GRM3: variants seen among roughly 807,000 people sequenced by gnomAD.
The protein encoded by GRM3 is glutamate metabotropic receptor 3.
A neutral mutation model predicts 70.5 loss-of-function variants in GRM3; 26 were observed. That is an observed-to-expected ratio of 0.37 (90% CI 0.27 to 0.51). The LOEUF (loss-of-function observed/expected upper bound fraction) is 0.51. Ranked by LOEUF, GRM3 falls within the 20% of genes least tolerant of loss-of-function variation. GRM3 has a pLI of 0.93. For missense variants in GRM3, 859 were observed against 1,123.8 expected (o/e 0.76, Z 3.37); for synonymous variants, 443 against 434.9 (o/e 1.02, Z -0.23).
At chr7:86,714,094 T>A (rs553018625) in intron 1 of GRM3, among the ~76,000 whole-genome samples, 24 of 152,110 alleles carry the variant, frequency 1.6e-4, no homozygotes, top group African/African-American at 5.8e-4. Context: ...CAGTCTCTAC[T>A]TCTCTCCCTT....
chr7:86,676,966 A>G (rs80035960), intron 1 of GRM3, among the ~76,000 whole-genome samples: 2,037 of 152,114 alleles, frequency 0.013, 38 homozygotes, highest in African/African-American at 0.047. Context: ...CCTTTACAAC[A>G]GTAGGTACCA....
At chr7:86,770,559 A>C (rs1268008323) in intron 2 of GRM3, among the ~76,000 whole-genome samples, 1 of 152,108 alleles carries the variant, frequency 6.6e-6, no homozygotes, top group Non-Finnish European at 1.5e-5. Context: ...GGAAGAGGGA[A>C]GAGCATATAA....
At chr7:86,823,834 C>T (rs1304453615) in intron 3 of GRM3, among the ~76,000 whole-genome samples, 1 of 152,068 alleles carries the variant, frequency 6.6e-6, no homozygotes, top group Non-Finnish European at 1.5e-5. Context: ...GGCCAGGAGC[C>T]AAGAAAGCTT....
chr7:86,856,713 A>G (rs923877706), intron 5 of GRM3, among the ~76,000 whole-genome samples: 2 of 152,132 alleles, frequency 1.3e-5, no homozygotes, highest in Admixed American at 1.3e-4. Flanking sequence ...GTAACTCTAC[A>G]TGTATTAGAG....
Position 86,786,474 on chromosome 7 carries a change from G to C in GRM3, c.682G>C (p.Glu228Gln), listed in dbSNP as rs772650809. Residue 228 changes from glutamate to glutamine, a missense_variant, in exon 3 of 6, where the codon GAG becomes CAG. Physicochemically the swap from Glu to Gln is conservative, Grantham distance 29. Transcript: ENST00000361669. This position sits in a 1 kb window ranked among gnomAD's most constrained non-coding sequence, Gnocchi z 6.0. ...GGGTGATTACGGGGAGACAGGGATC[G>C]AGGCCTTCGAGCAGGAAGCCCGCCT... ...SEGDYGETGI[E>Q]AFEQEARLRN... 1.2e-6 allele frequency: 2 copies of C among 1,614,132 alleles called. No individual in the cohort carries two copies. The highest frequency in any genetic ancestry group is 2.7e-5 in the African/African-American group (2 of 74,948).
intron 3 of GRM3, among the ~76,000 whole-genome samples, chr7:86,810,423 A>G (rs997178985): frequency 6.6e-6 from 1 of 151,962 alleles, no homozygotes; most frequent in Non-Finnish European, 1.5e-5. Flanking sequence ...CTGAAAAAAA[A>G]TGTTGATATA....
intron 3 of GRM3, among the ~76,000 whole-genome samples, chr7:86,836,610 T>C (rs1798461863): frequency 6.6e-6 from 1 of 152,128 alleles, no homozygotes; most frequent in African/African-American, 2.4e-5. Context: ...GTAGGTAGAA[T>C]TGAATAACAT....
intron 3 of GRM3, among the ~76,000 whole-genome samples, chr7:86,797,331 T>C (rs2116604800): frequency 6.6e-6 from 1 of 152,308 alleles, no homozygotes; most frequent in Admixed American, 6.5e-5. Flanking sequence ...AAGTCCAGCT[T>C]GAATTGGTCT....
intron 2 of GRM3, among the ~76,000 whole-genome samples, chr7:86,766,190 T>G (rs971647769): frequency 6.6e-6 from 1 of 152,050 alleles, no homozygotes; most frequent in African/African-American, 2.4e-5. Flanking sequence ...CAACAGACTA[T>G]CAAGGTAAGA....
At chr7:86,666,241 G>C (rs1562818714) in intron 1 of GRM3, among the ~76,000 whole-genome samples, 1 of 151,952 alleles carries the variant, frequency 6.6e-6, no homozygotes, top group Non-Finnish European at 1.5e-5. Context: ...TACAGAAAAT[G>C]ACCTGATTAG....
chr7:86,839,184 C>G lies in GRM3; in HGVS notation c.1670C>G (p.Ala557Gly). The G allele has an allele frequency of 2.5e-6, 4 of 1,613,300 alleles. No individual in the cohort carries two copies. Among genetic ancestry groups the G allele is most frequent in the Non-Finnish European group, 3.4e-6 (4 of 1,179,222 alleles). Reference sequence around the variant, plus strand: ...TGTGGGTCTGGACAGTGGCCCACTGCAGACCTAACTGGATGCTATGACCTT... The same window carrying G: ...TGTGGGTCTGGACAGTGGCCCACTGGAGACCTAACTGGATGCTATGACCTT... ...MDCGSGQWPT[A>G]DLTGCYDLPE... Residue 557 changes from alanine to glycine, a missense_variant, in exon 4 of 6, where the codon GCA becomes GGA. Physicochemically the swap from Ala to Gly is moderately conservative, Grantham distance 60. Coordinates refer to ENST00000361669, the MANE Select transcript of GRM3 (RefSeq NM_000840.3). This position sits in a 1 kb window ranked among gnomAD's most constrained non-coding sequence, Gnocchi z 4.5.
At chr7:86,790,910 A>G (rs1303114753) in intron 3 of GRM3, among the ~76,000 whole-genome samples, 1 of 151,644 alleles carries the variant, frequency 6.6e-6, no homozygotes, top group African/African-American at 2.4e-5. Context: ...ACCCTGCTCT[A>G]CCTTTTGTTT....
At chr7:86,812,725 T>C (rs2116660391) in intron 3 of GRM3, among the ~76,000 whole-genome samples, 1 of 151,876 alleles carries the variant, frequency 6.6e-6, no homozygotes, top group South Asian at 2.1e-4. Context: ...GTGGAAAAAT[T>C]GGTCTATTTG....
At chr7:86,696,665 T>C (rs973968019) in intron 1 of GRM3, among the ~76,000 whole-genome samples, 10 of 152,090 alleles carry the variant, frequency 6.6e-5, no homozygotes, top group Admixed American at 2.0e-4. Context: ...GTGAAGAGTA[T>C]TTTCTGCTTT....
intron 1 of GRM3, among the ~76,000 whole-genome samples, chr7:86,733,374 A>T (rs1490633514): frequency 6.6e-6 from 1 of 151,516 alleles, no homozygotes; most frequent in Non-Finnish European, 1.5e-5. Flanking sequence ...CTGGATTCCC[A>T]TTGACAAAAG....
intron 3 of GRM3, among the ~76,000 whole-genome samples, chr7:86,817,681 T>A (rs778136410): frequency 6.6e-6 from 1 of 151,908 alleles, no homozygotes; most frequent in Non-Finnish European, 1.5e-5. Context: ...TCTGGTTGGG[T>A]TTTGGAACTC....
At chr7:86,747,425 A>T (rs1796127746) in intron 1 of GRM3, among the ~76,000 whole-genome samples, 1 of 152,104 alleles carries the variant, frequency 6.6e-6, no homozygotes. Context: ...ATTTTATTTT[A>T]TAAAAAGGTT....
chr7:86,770,710 A>G (rs1475153487), intron 2 of GRM3, among the ~76,000 whole-genome samples: 2 of 152,124 alleles, frequency 1.3e-5, no homozygotes, highest in East Asian at 1.9e-4. Context: ...AAAGTCACAC[A>G]TTAATTGCCA....
intron 1 of GRM3, among the ~76,000 whole-genome samples, chr7:86,672,641 G>A (rs1794201598): frequency 6.6e-6 from 1 of 151,668 alleles, no homozygotes; most frequent in African/African-American, 2.4e-5. Flanking sequence ...GCTCCCTTGT[G>A]GGGGAACACA....
Sources: allele counts gnomAD v4.1 joint callset (sites outside exome capture counted in the v4.1 genomes callset), GRCh38; gene constraint gnomAD v4.1.1; non-coding constraint Gnocchi (gnomAD v3.1); transcripts MANE v1.5; gene names NCBI Gene and HGNC (gene_info 2026-07-23, HGNC 2026-07-21).